MNS1: variants seen among roughly 807,000 people sequenced by gnomAD.
MNS1 encodes meiosis specific nuclear structural 1, also known as meiosis-specific nuclear structural protein 1.
MNS1 carries 63 observed loss-of-function variants against 72.0 expected under a neutral mutation model. The observed-to-expected ratio is 0.87, with a 90% CI of 0.71 to 1.08. The LOEUF is 1.08. MNS1 is among the 50% of genes least tolerant of loss of function. The pLI, the probability that MNS1 is intolerant of heterozygous loss-of-function variation, is 0.00. For missense variants in MNS1, 604 were observed against 562.4 expected, an observed-to-expected ratio of 1.07 and a Z score of -0.75; for synonymous variants, 188 against 172.1, an observed-to-expected ratio of 1.09 and a Z score of -0.72.
intron 3 of MNS1, among the ~76,000 whole-genome samples, chr15:56,452,336 G>A (rs1263897591): frequency 6.6e-6 from 1 of 152,010 alleles, no homozygotes; most frequent in African/African-American, 2.4e-5. Context: ...TTAATTCCCC[G>A]AGCAATGAGT....
At position 56,456,631 on chromosome 15, in the gene MNS1, T is replaced by G. The variant is rs1018479809; in HGVS notation, c.226-110A>C. On this transcript the variant is annotated intron_variant, in intron 2 of 9. Transcript: ENST00000260453. ...TAAATGCCTTAAGGCCAACAATTGATGATGTTTTATTTTAAAATACAAAAT... is the reference window on the plus strand; with the variant it reads ...TAAATGCCTTAAGGCCAACAATTGAGGATGTTTTATTTTAAAATACAAAAT... 1.5e-5 allele frequency: 16 copies of G among 1,036,286 alleles called. No homozygotes were observed. The African/African-American group carries it at 2.3e-4, about 15-fold the overall frequency. The allele number at this position is 1,036,286 out of a possible 1,614,324, so 64.2% of individuals were successfully genotyped here. A position where few individuals can be genotyped will look rare whatever the true frequency, so the allele number is the denominator to read the frequency against.
chr15:56,456,447 C>T lies in MNS1; in HGVS notation c.300G>A (p.Leu100=). 6.2e-7 allele frequency: 1 copy of T among 1,612,046 alleles called. No homozygotes were observed. Among genetic ancestry groups the T allele is most frequent in the Non-Finnish European group, 8.5e-7 (1 of 1,179,362 alleles). The change falls in exon 3 of 10, where the codon CTG becomes CTA. Residue 100 remains leucine (L), a synonymous_variant. Transcript: ENST00000260453. ...EEKLAMELAK[L]KHESLKDEKM... ...TTTCGTCCTTTAGACTTTCATGTTT[C>T]AGTTTTGCCAATTCCATAGCCAGTT...
chr15:56,446,453 A>C (rs183230366), intron 4 of MNS1, among the ~76,000 whole-genome samples: 1 of 152,022 alleles, frequency 6.6e-6, no homozygotes, highest in Non-Finnish European at 1.5e-5. Flanking sequence ...ATAAAACTGG[A>C]AAGTTTCCTA....
At chr15:56,452,704 G>C (rs530133818) in intron 3 of MNS1, among the ~76,000 whole-genome samples, 2 of 152,004 alleles carry the variant, frequency 1.3e-5, no homozygotes, top group South Asian at 4.2e-4. Flanking sequence ...ATTTTTAGTA[G>C]AGACGCGGTT....
chr15:56,430,303 C>G (rs1445884783), intron 9 of MNS1, among the ~76,000 whole-genome samples: 5 of 152,144 alleles, frequency 3.3e-5, no homozygotes, highest in African/African-American at 7.2e-5. Context: ...ACTTTCCAGG[C>G]TCAAGCAATC....
Position 56,444,562 on chromosome 15 carries a change from C to G in MNS1, c.568G>C (p.Asp190His). Reference protein sequence around the residue: ...RNKAKAQYYLDLEKQLEEQEK... With the variant: ...RNKAKAQYYLHLEKQLEEQEK... ...TGTTCTTCAAGTTGTTTCTCTAAGTCAAGATAGTACTGTGCTTTCGCTTTG... is the reference window on the plus strand; with the variant it reads ...TGTTCTTCAAGTTGTTTCTCTAAGTGAAGATAGTACTGTGCTTTCGCTTTG... The change falls in exon 5 of 10, where the codon GAC becomes CAC. Residue 190 changes from aspartate to histidine, a missense_variant. Transcript: ENST00000260453. 6.2e-7 allele frequency: 1 copy of G among 1,612,722 alleles called. No homozygotes were observed. Among genetic ancestry groups the G allele is most frequent in the Non-Finnish European group, 8.5e-7 (1 of 1,179,418 alleles).
At chr15:56,437,936 C>G (rs2050755957) in intron 7 of MNS1, among the ~76,000 whole-genome samples, 2 of 152,154 alleles carry the variant, frequency 1.3e-5, no homozygotes, top group Non-Finnish European at 2.9e-5. Context: ...TCAAGGAGAA[C>G]TGCAAACCAC....
intron 7 of MNS1, among the ~76,000 whole-genome samples, chr15:56,437,006 C>A (rs2140338817): frequency 6.6e-6 from 1 of 152,222 alleles, no homozygotes; most frequent in East Asian, 1.9e-4. Flanking sequence ...GGATTCACAG[C>A]CGAATTCTAC....
At chr15:56,440,149 A>C (rs1027293032) in intron 7 of MNS1, among the ~76,000 whole-genome samples, 1 of 152,240 alleles carries the variant, frequency 6.6e-6, no homozygotes, top group Admixed American at 6.5e-5. Flanking sequence ...CAAAGAGGAC[A>C]GCAAATAAGC....
intron 1 of MNS1, 63 bp downstream of exon 1, chr15:56,464,907 G>C: frequency 6.2e-7 from 1 of 1,605,456 alleles, no homozygotes; most frequent in Non-Finnish European, 8.5e-7. Flanking sequence ...AGAAGCAGAT[G>C]AGCGCCAAAC....
In MNS1 at chr15:56,444,636, T is replaced by C; in HGVS notation, c.494A>G (p.Glu165Gly). The C allele has an allele frequency of 6.2e-7, 1 of 1,612,300 alleles. No individual in the cohort carries two copies. The highest frequency in any genetic ancestry group is 8.5e-7 in the Non-Finnish European group (1 of 1,179,352). ...DAEIAKTMME[E>G]HKRIIKEENA... is the part of the protein sequence containing the mutation. ...CTCTTCCTTTATTATTCTCTTGTGT[T>C]CTTCCATCATGGTTTTGGCTATTTC... The change falls in exon 5 of 10, where the codon GAA (glutamate) becomes GGA (glycine). Residue 165 changes from glutamate to glycine, a missense_variant. By Grantham distance (98) the Glu-to-Gly change is moderately conservative. Coordinates refer to ENST00000260453, the MANE Select transcript of MNS1 (RefSeq NM_018365.4).
rs201901874 is a variant in MNS1, at chr15:56,429,077, A to G, written c.*24T>C. 48 of 1,488,608 alleles carry G rather than the reference A, an allele frequency of 3.2e-5. No homozygotes were observed. The African/African-American group carries it at 4.1e-4, about 13-fold the overall frequency. 92.2% of individuals were successfully genotyped at this position (1,488,608 alleles called of 1,614,324 possible). On this transcript the variant is annotated 3_prime_UTR_variant, in exon 10 of 10. Coordinates refer to ENST00000260453, the MANE Select transcript of MNS1 (RefSeq NM_018365.4). ...TCTAGTGGTAACATGCAAAAAATCT[A>G]TGCTTTACCCAATTTTGATGATATC...
chr15:56,438,867 G>A (rs2050772810), intron 7 of MNS1, among the ~76,000 whole-genome samples: 1 of 152,152 alleles, frequency 6.6e-6, no homozygotes, highest in African/African-American at 2.4e-5. Flanking sequence ...AGACATTTAT[G>A]CAGCCAACAG....
chr15:56,458,774 T>C (rs2050997436), intron 2 of MNS1, among the ~76,000 whole-genome samples: 1 of 152,114 alleles, frequency 6.6e-6, no homozygotes, highest in African/African-American at 2.4e-5. Flanking sequence ...CATCTTTTCA[T>C]GGCTTCATAG....
intron 8 of MNS1, 102 bp downstream of exon 8, chr15:56,434,036 T>G (rs1024183915): frequency 7.8e-7 from 1 of 1,277,486 alleles, no homozygotes; most frequent in Non-Finnish European, 1.1e-6. Context: ...CATACTAACA[T>G]TGTCTGGCAT....
intron 4 of MNS1, 41 bp downstream of exon 4, chr15:56,446,800 C>A: frequency 6.9e-7 from 1 of 1,439,926 alleles, no homozygotes. Flanking sequence ...TTTTTATTTT[C>A]TAAATGAAGC....
rs1316790151 is a variant in MNS1, at chr15:56,444,568, AG to A, written c.561del (p.Tyr188IlefsTer4). ...EDKRNKAKAQYYLDLEKQLEE... is the reference protein window; with the variant it reads ...EDKRNKAKAQXYLDLEKQLEE... ...TCAAGTTGTTTCTCTAAGTCAAGAT[AG>A]TACTGTGCTTTCGCTTTGTTTCGTT... On this transcript the variant is annotated frameshift_variant, in exon 5 of 10. Transcript: ENST00000260453. LOFTEE classifies it high-confidence loss of function. The A allele has an allele frequency of 1.2e-6, 2 of 1,612,986 alleles. No individual in the cohort carries two copies. Among genetic ancestry groups the A allele is most frequent in the Admixed American group, 3.3e-5 (2 of 59,962 alleles).
chr15:56,449,566 C>T (rs906246212), intron 3 of MNS1, among the ~76,000 whole-genome samples: 2 of 152,094 alleles, frequency 1.3e-5, no homozygotes, highest in African/African-American at 2.4e-5. Context: ...TTTCTCATAT[C>T]GTATTCAGGT....
At position 56,465,035 on chromosome 15, in the gene MNS1, A is replaced by T; in HGVS notation, c.-63T>A. On this transcript the variant is annotated 5_prime_UTR_variant, in exon 1 of 10. Transcript: ENST00000260453. Reference sequence around the variant, plus strand: ...GGCCACCACCTCCCGCCGCAAACGCAGCAGCCAGCAGCCCCAAGGAGCGCA... The same window carrying T: ...GGCCACCACCTCCCGCCGCAAACGCTGCAGCCAGCAGCCCCAAGGAGCGCA... 6 of 1,591,748 alleles carry T rather than the reference A, an allele frequency of 3.8e-6. No individual in the cohort carries two copies. The highest frequency in any genetic ancestry group is 5.1e-6 in the Non-Finnish European group (6 of 1,171,064).
Sources: gnomAD v4.1 joint callset for allele counts (sites outside exome capture counted in the v4.1 genomes callset) on GRCh38, gnomAD v4.1.1 for gene constraint, MANE v1.5 for transcripts, NCBI Gene and HGNC (gene_info 2026-07-23, HGNC 2026-07-21) for gene names.